The following EML5 variants were observed in gnomAD, a reference collection of about 807,000 sequenced individuals.
EML5 encodes the protein EMAP like 5, also known as echinoderm microtubule-associated protein-like 5.
Under a neutral mutation model 250.0 loss-of-function variants are expected in EML5, and 120 were observed. That is an observed-to-expected ratio of 0.48 (90% CI 0.41 to 0.56). The LOEUF is 0.56. Ranked by LOEUF, EML5 falls within the 20% of genes least tolerant of loss-of-function variation. The pLI, the probability that EML5 is intolerant of heterozygous loss-of-function variation, is 0.00. For missense variants in EML5, 2,006 were observed against 2,437.6 expected (o/e 0.82, Z 3.73); for synonymous variants, 771 against 806.5 (o/e 0.96, Z 0.75).
intron 8 of EML5, among the ~76,000 whole-genome samples, chr14:88,721,234 C>T (rs1383742290): frequency 6.6e-6 from 1 of 152,118 alleles, no homozygotes; most frequent in African/African-American, 2.4e-5. Context: ...TAAACTACCA[C>T]TGATATTCTT....
chr14:88,741,826 A>G (rs544723351), intron 4 of EML5, among the ~76,000 whole-genome samples: 1 of 152,220 alleles, frequency 6.6e-6, no homozygotes, highest in Non-Finnish European at 1.5e-5. Flanking sequence ...TAAGTAATTA[A>G]CATTTAAAAT....
intron 1 of EML5, among the ~76,000 whole-genome samples, chr14:88,786,380 T>C (rs887183966): frequency 6.6e-6 from 1 of 152,158 alleles, no homozygotes; most frequent in Non-Finnish European, 1.5e-5. Context: ...TCCATAAGGG[T>C]GGGCAATTTT....
chr14:88,786,148 C>T (rs1006241081), intron 1 of EML5, among the ~76,000 whole-genome samples: 10 of 152,182 alleles, frequency 6.6e-5, no homozygotes, highest in Non-Finnish European at 1.5e-4. Flanking sequence ...ATTACCTCAC[C>T]TCCTAGTCTC....
chr14:88,770,825 T>G (rs1050272990), intron 1 of EML5, among the ~76,000 whole-genome samples: 22 of 152,210 alleles, frequency 1.4e-4, no homozygotes, highest in African/African-American at 5.3e-4. Flanking sequence ...ATATTCCCAT[T>G]CTAAAACATT....
intron 7 of EML5, among the ~76,000 whole-genome samples, chr14:88,734,416 A>G (rs1455028082): frequency 6.6e-6 from 1 of 152,056 alleles, no homozygotes; most frequent in Non-Finnish European, 1.5e-5. Context: ...ATATTTCTTG[A>G]AAGGGGTTAA....
At chr14:88,786,722 G>A (rs879853452) in intron 1 of EML5, among the ~76,000 whole-genome samples, 32 of 152,054 alleles carry the variant, frequency 2.1e-4, no homozygotes, top group Non-Finnish European at 4.4e-4. Context: ...CAGGGGTTTC[G>A]GCTTTTGCAT....
chr14:88,780,223 G>T (rs1454725255), intron 1 of EML5, among the ~76,000 whole-genome samples: 2 of 152,274 alleles, frequency 1.3e-5, no homozygotes, highest in Admixed American at 1.3e-4. Flanking sequence ...AAAGTGCTGA[G>T]ATTATAGGCA....
In EML5 at chr14:88,685,106, A is replaced by G. The variant is rs756176193; in HGVS notation, c.2891T>C (p.Ile964Thr). 6.2e-7 allele frequency: 1 copy of G among 1,608,154 alleles called. No individual in the cohort carries two copies. The highest frequency in any genetic ancestry group is 1.7e-5 in the Admixed American group (1 of 59,212). The change falls in exon 20 of 44, where the codon ATA (isoleucine) becomes ACA (threonine). Residue 964 changes from isoleucine to threonine, a missense_variant. Around this residue, in one of 7 missense-constraint regions of EML5, gnomAD observed 1,375 missense variants for 1,590.3 expected, o/e 0.86. Transcript: ENST00000554922. The stretch of plus-strand genomic sequence containing the variant: ...TAAAATATGACCATGTCCTAATGAT[A>G]TGGCACGTATAGATGGATTATCTTC... ...LLEDNPSIRA[I>T]SLGHGHILVG...
chr14:88,627,651 T>C lies in EML5; in HGVS notation c.4526A>G (p.Gln1509Arg), dbSNP rs377059840. 1.0e-5 allele frequency: 16 copies of C among 1,596,024 alleles called. No homozygotes were observed. Among genetic ancestry groups the C allele is most frequent in the Middle Eastern group, 1.7e-4 (1 of 5,974 alleles). The change falls in exon 34 of 44, where the codon CAG (glutamine) becomes CGG (arginine). Residue 1509 changes from glutamine (Q) to arginine (R), a missense_variant. Coordinates refer to ENST00000554922, the MANE Select transcript of EML5 (RefSeq NM_183387.3). Reference sequence around the variant, plus strand: ...AACACACAAAAGAATCCTACCTTCCTGCCATCTCCAAATGGTAATAGTATG... The same window carrying C: ...AACACACAAAAGAATCCTACCTTCCCGCCATCTCCAAATGGTAATAGTATG... ...PEHTITIWRWQEGAKIASRAG... is the reference protein window; with the variant it reads ...PEHTITIWRWREGAKIASRAG...
rs2091152633 is a variant in EML5 at position 88,642,992 on chromosome 14, G to A, written c.4138C>T (p.Arg1380Ter). The change falls in exon 31 of 44, where the codon CGA becomes TGA. Residue 1380 changes from arginine (R) to a stop codon, truncating the protein, a stop_gained. Coordinates refer to ENST00000554922, the MANE Select transcript of EML5 (RefSeq NM_183387.3). LOFTEE classifies it high-confidence loss of function. ...DLVLELIFGY[R>*]GRDCRNNVHY... ...ACATTATTCCTACAGTCTCTGCCTC[G>A]ATAACCAAAAATGAGCTCCAACACA... The A allele has an allele frequency of 3.1e-6, 5 of 1,594,074 alleles. No homozygotes were observed. The highest frequency in any genetic ancestry group is 4.3e-6 in the Non-Finnish European group (5 of 1,174,392).
intron 29 of EML5, 103 bp from the exon 30 acceptor site, chr14:88,644,614 CA>C: frequency 1.0e-6 from 1 of 974,856 alleles, no homozygotes. Flanking sequence ...CACACCTTCC[CA>C]AAGATGACCC....
chr14:88,694,738 T>C (rs2093037308), intron 16 of EML5, among the ~76,000 whole-genome samples: 5 of 152,238 alleles, frequency 3.3e-5, no homozygotes, highest in South Asian at 2.1e-4. Flanking sequence ...TAGCTTAAGA[T>C]AGCCTTTCCA....
chr14:88,665,128 TCA>T (rs761387936), intron 22 of EML5, among the ~76,000 whole-genome samples: 3 of 152,104 alleles, frequency 2.0e-5, no homozygotes, highest in Non-Finnish European at 4.4e-5. Context: ...CTGGCTCAAG[TCA>T]CACAGAAAAT....
chr14:88,757,245 A>C (rs982030912), intron 1 of EML5, among the ~76,000 whole-genome samples: 4 of 152,220 alleles, frequency 2.6e-5, no homozygotes, highest in African/African-American at 9.6e-5. Flanking sequence ...ATTTCAACAA[A>C]TAGTACTGGG....
At position 88,620,543 on chromosome 14, in the gene EML5, A is replaced by T; in HGVS notation, c.5375+211T>A. 1 of 419,102 alleles carries T rather than the reference A, an allele frequency of 2.4e-6. No homozygotes were observed. Among genetic ancestry groups the T allele is most frequent in the Non-Finnish European group, 4.2e-6 (1 of 240,688 alleles). 26.0% of individuals were successfully genotyped at this position (419,102 alleles called of 1,614,324 possible). ...AATTCATCAAACATTACCTACTAGT[A>T]CTTGCTATTATAGTTGGTGCCCAGT... On this transcript the variant is annotated intron_variant, in intron 39 of 43. Transcript: ENST00000554922. The surrounding 1 kb of genome is among the most constrained non-coding windows in gnomAD (Gnocchi z 4.3).
chr14:88,775,548 G>C (rs1012121368), intron 1 of EML5, among the ~76,000 whole-genome samples: 3 of 152,216 alleles, frequency 2.0e-5, no homozygotes, highest in Non-Finnish European at 4.4e-5. Context: ...AGAGAGAAGA[G>C]TGGGAAGGAC....
chr14:88,783,080 CAAAAAAAAAG>C (rs1555382913), intron 1 of EML5, among the ~76,000 whole-genome samples: 1 of 141,382 alleles, frequency 7.1e-6, no homozygotes, highest in Non-Finnish European at 1.5e-5. Flanking sequence ...GACTCCATGT[CAAAAAAAAAG>C]AAAAAAAAAG....
At chr14:88,640,732 A>G (rs1003887483) in intron 31 of EML5, among the ~76,000 whole-genome samples, 1 of 152,162 alleles carries the variant, frequency 6.6e-6, no homozygotes, top group Non-Finnish European at 1.5e-5. Context: ...ACAATACTGA[A>G]ACCCAAACAT....
chr14:88,647,352 A>G (rs2140735297), intron 28 of EML5, among the ~76,000 whole-genome samples: 1 of 152,148 alleles, frequency 6.6e-6, no homozygotes, highest in Admixed American at 6.5e-5. Flanking sequence ...TGGGCGACAG[A>G]GCACGACTCC....
Sources: gnomAD v4.1 joint callset for allele counts (sites outside exome capture counted in the v4.1 genomes callset) on GRCh38, gnomAD v4.1.1 for gene constraint, gnomAD v4.1.1 regional missense constraint, Gnocchi (gnomAD v3.1) non-coding constraint, MANE v1.5 for transcripts, NCBI Gene and HGNC (gene_info 2026-07-23, HGNC 2026-07-21) for gene names.